CDIN1: variants seen among roughly 807,000 people sequenced by gnomAD.
CDIN1 encodes CDAN1 interacting nuclease 1.
In CDIN1, 33 loss-of-function variants were observed where a neutral mutation model predicts 45.3. That is an observed-to-expected ratio of 0.73 (90% CI 0.55 to 0.97). CDIN1 has a LOEUF of 0.97. CDIN1 is among the 50% of genes least tolerant of loss of function. The pLI is 0.00. For synonymous variants in CDIN1, 118 were observed against 124.4 expected (o/e 0.95, Z 0.34); for missense variants, 303 against 339.4 (o/e 0.89, Z 0.84).
At chr15:36,733,757 A>G (rs2043915515) in intron 10 of CDIN1, among the ~76,000 whole-genome samples, 1 of 152,194 alleles carries the variant, frequency 6.6e-6, no homozygotes, top group Non-Finnish European at 1.5e-5. Flanking sequence ...TTACAGAGCA[A>G]GAAAAAGAGA....
At chr15:36,726,138 T>G (rs1277113004) in intron 10 of CDIN1, among the ~76,000 whole-genome samples, 1 of 152,178 alleles carries the variant, frequency 6.6e-6, no homozygotes, top group Non-Finnish European at 1.5e-5. Context: ...GGACTGAAAT[T>G]TTGAAGTATT....
At chr15:36,683,947 T>G (rs1156540643) in intron 5 of CDIN1, among the ~76,000 whole-genome samples, 1 of 141,236 alleles carries the variant, frequency 7.1e-6, no homozygotes, top group Non-Finnish European at 1.6e-5. Context: ...TTTGCTGAAG[T>G]TGCTTATGAG....
intron 10 of CDIN1, among the ~76,000 whole-genome samples, chr15:36,722,303 A>ATCTCTCTCTCTCTCTCTCTCTCTCTCTC (rs5811928): frequency 7.8e-5 from 11 of 140,774 alleles, no homozygotes; most frequent in Admixed American, 2.8e-4. Context: ...TTCTTTTGAG[A>ATCTCTCTCTCTCTCTCTCTCTCTCTCTC]TCTCTCTCTC....
intron 3 of CDIN1, among the ~76,000 whole-genome samples, chr15:36,647,839 ATTTT>A (rs11288490): frequency 3.0e-5 from 3 of 100,458 alleles, no homozygotes; most frequent in Non-Finnish European, 4.2e-5. Flanking sequence ...TTGTGATAGT[ATTTT>A]TTTTTTTTTT....
At chr15:36,706,564 G>A (rs2042872594) in intron 8 of CDIN1, 1 of 150,960 alleles carries the variant, frequency 6.6e-6, no homozygotes, top group South Asian at 2.1e-4. Context: ...AGTGAGACGA[G>A]ATCGCGCCAC....
intron 10 of CDIN1, among the ~76,000 whole-genome samples, chr15:36,741,362 A>T (rs1335130008): frequency 6.6e-6 from 1 of 152,166 alleles, no homozygotes; most frequent in Non-Finnish European, 1.5e-5. Context: ...AGTATTTCCA[A>T]CTAGTTGTAA....
chr15:36,694,160 C>T (rs1034418593), intron 7 of CDIN1, among the ~76,000 whole-genome samples: 1 of 152,150 alleles, frequency 6.6e-6, no homozygotes, highest in Admixed American at 6.6e-5. Context: ...TTGCTTTTGT[C>T]ATGCAAAATA....
Position 36,809,871 on chromosome 15 carries a change from C to CA in CDIN1, c.*1419dup, listed in dbSNP as rs1566992334. 6.6e-6 allele frequency: 1 copy of CA among 152,088 alleles called. No homozygotes were observed. Among genetic ancestry groups the CA allele is most frequent in the African/African-American group, 2.4e-5 (1 of 41,406 alleles). 9.4% of individuals were successfully genotyped at this position (152,088 alleles called of 1,614,324 possible). ...TTGAAGGACACAAACCTGGTCCCAACATGTGTGGATTTTAACTCTGAGTGG... is the reference window on the plus strand; with the variant it reads ...TTGAAGGACACAAACCTGGTCCCAACAATGTGTGGATTTTAACTCTGAGTGG... On this transcript the variant is annotated 3_prime_UTR_variant, in exon 11 of 11. Transcript: ENST00000566621.
At chr15:36,781,164 T>C (rs1328561184) in intron 10 of CDIN1, among the ~76,000 whole-genome samples, 1 of 152,206 alleles carries the variant, frequency 6.6e-6, no homozygotes, top group African/African-American at 2.4e-5. Flanking sequence ...AATGAATGCA[T>C]GTGTTACATT....
chr15:36,770,397 TCTTAA>T (rs371731846), intron 10 of CDIN1, among the ~76,000 whole-genome samples: 49 of 150,830 alleles, frequency 3.2e-4, no homozygotes, highest in African/African-American at 5.8e-4. Context: ...GAGAATTCAA[TCTTAA>T]CTTCTTAAAA....
intron 1 of CDIN1, chr15:36,613,735 G>C (rs1364709465): frequency 1.3e-6 from 2 of 1,577,118 alleles, no homozygotes; most frequent in African/African-American, 2.7e-5. Flanking sequence ...ATGAGAGTGA[G>C]ACAGGTATGA....
intron 10 of CDIN1, among the ~76,000 whole-genome samples, chr15:36,805,552 TGA>T: frequency 6.6e-6 from 1 of 152,348 alleles, no homozygotes; most frequent in African/African-American, 2.4e-5. Context: ...AGTCTGCATT[TGA>T]CCTAAATAAA....
chr15:36,686,292 C>T (rs947173063), intron 5 of CDIN1, among the ~76,000 whole-genome samples: 8 of 150,648 alleles, frequency 5.3e-5, no homozygotes, highest in Non-Finnish European at 1.5e-5. Context: ...TCATCATTCT[C>T]AGTAAACTAT....
At chr15:36,696,869 T>C (rs1179751245) in intron 7 of CDIN1, among the ~76,000 whole-genome samples, 1 of 150,742 alleles carries the variant, frequency 6.6e-6, no homozygotes, top group East Asian at 2.0e-4. Context: ...CCCAGCACTT[T>C]GAGAGACTGA....
intron 1 of CDIN1, among the ~76,000 whole-genome samples, chr15:36,613,043 G>A (rs1469880689): frequency 3.3e-5 from 5 of 152,108 alleles, no homozygotes; most frequent in Admixed American, 6.6e-5. Context: ...ACTTAATTAG[G>A]AGCACACACT....
intron 10 of CDIN1, among the ~76,000 whole-genome samples, chr15:36,782,053 T>C (rs1241014686): frequency 6.6e-6 from 1 of 152,230 alleles, no homozygotes; most frequent in Admixed American, 6.5e-5. Flanking sequence ...TAGCCATGGA[T>C]TGTAAACAGA....
intron 1 of CDIN1, among the ~76,000 whole-genome samples, chr15:36,612,061 C>T (rs1357254696): frequency 6.6e-6 from 1 of 152,180 alleles, no homozygotes. Flanking sequence ...TGTCTGTTTT[C>T]TCATTCTTCT....
At chr15:36,763,540 C>A (rs1451937991) in intron 10 of CDIN1, among the ~76,000 whole-genome samples, 3 of 152,128 alleles carry the variant, frequency 2.0e-5, no homozygotes, top group Non-Finnish European at 4.4e-5. Context: ...GGTGTCAAAA[C>A]AATAAATCCC....
intron 10 of CDIN1, among the ~76,000 whole-genome samples, chr15:36,721,992 C>T (rs2043437409): frequency 6.6e-6 from 1 of 152,044 alleles, no homozygotes; most frequent in Admixed American, 6.6e-5. Flanking sequence ...TCTTTGTAAT[C>T]CCATCACTCT....
Sources: allele counts gnomAD v4.1 joint callset (sites outside exome capture counted in the v4.1 genomes callset), GRCh38; gene constraint gnomAD v4.1.1; transcripts MANE v1.5; gene names NCBI Gene and HGNC (gene_info 2026-07-23, HGNC 2026-07-21).